The following CHM variants were observed in gnomAD, a reference collection of about 807,000 sequenced individuals.
CHM encodes rab proteins geranylgeranyltransferase component A 1.
Under a neutral mutation model 49.0 loss-of-function variants are expected in CHM, and 10 were observed. That is an observed-to-expected ratio of 0.20 (90% CI 0.13 to 0.35). The LOEUF is 0.35. CHM is among the 10% of genes least tolerant of loss of function. The probability of loss-of-function intolerance (pLI) is 1.00; values close to 1 mark genes in which losing one functional copy is unlikely to be tolerated. For synonymous variants in CHM, 184 were observed against 167.5 expected (o/e 1.10, Z -0.76); for missense variants, 455 against 478.4 (o/e 0.95, Z 0.46).
intron 8 of CHM, among the ~76,000 whole-genome samples, chrX:85,953,076 T>C (rs1236971453): frequency 8.9e-6 from 1 of 112,491 alleles, no homozygotes; most frequent in Non-Finnish European, 1.9e-5. Context: ...TTTAGTAAAG[T>C]TGCAGGGTAT....
intron 8 of CHM, among the ~76,000 whole-genome samples, chrX:85,954,292 ACGGAGAAAAGGGAAC>A (rs1002009967): frequency 1.8e-5 from 2 of 112,221 alleles, no homozygotes; most frequent in African/African-American, 3.2e-5. Context: ...TGGCAAAGAT[ACGGAGAAAAGGGAAC>A]CCTTGAACAC....
chrX:86,008,012 G>T (rs12353583), intron 2 of CHM, among the ~76,000 whole-genome samples: 19,030 of 111,388 alleles, frequency 0.17, 1,537 homozygotes, highest in Non-Finnish European at 0.25. Flanking sequence ...CCACCCAAAT[G>T]TCCAACAATG....
rs1923759147 is a variant in CHM, at chrX:85,867,251, TA to T, written c.1771-2431del. Among the ~76,000 whole-genome samples, 2 of 111,791 alleles carry T rather than the reference TA, an allele frequency of 1.8e-5. 1 individual carries two copies. Among genetic ancestry groups the T allele is most frequent in the Non-Finnish European group, 3.8e-5 (2 of 53,134 alleles). ...TGACTTCTCACAAGATCTGATGGTT[TA>T]AAAGTGTTTGGCAGTTCCCTCTTTG... is the stretch of plus-strand genomic sequence containing the variant. On this transcript the variant is annotated intron_variant, in intron 14 of 14. Transcript: ENST00000357749.
intron 8 of CHM, among the ~76,000 whole-genome samples, chrX:85,942,834 T>C (rs1004569637): frequency 9.2e-6 from 1 of 108,166 alleles, no homozygotes; most frequent in Non-Finnish European, 1.9e-5. Context: ...TATGTATACA[T>C]GTGCCATGTT....
chrX:86,006,685 A>G (rs1040754905), intron 2 of CHM, among the ~76,000 whole-genome samples: 1 of 111,752 alleles, frequency 8.9e-6, no homozygotes, highest in African/African-American at 3.3e-5. Context: ...TAAAATACCT[A>G]GGAATACAAC....
At chrX:85,962,705 T>C in intron 5 of CHM, among the ~76,000 whole-genome samples, 1 of 111,892 alleles carries the variant, frequency 8.9e-6, no homozygotes, top group East Asian at 2.8e-4. Context: ...ATTTAGTCTG[T>C]TTTTCTCTAC....
chrX:86,044,938 A>G (rs1934597236), intron 1 of CHM, among the ~76,000 whole-genome samples: 1 of 112,076 alleles, frequency 8.9e-6, no homozygotes, highest in Admixed American at 9.4e-5. Context: ...GAAAATACAA[A>G]GTTTATTTTT....
At chrX:85,935,273 C>T (rs1323889535) in intron 8 of CHM, among the ~76,000 whole-genome samples, 2 of 111,432 alleles carry the variant, frequency 1.8e-5, no homozygotes, top group African/African-American at 6.5e-5. Flanking sequence ...AGGATCGCAC[C>T]AAGCCATTCA....
At chrX:85,990,626 G>GA (rs1393713668) in intron 2 of CHM, among the ~76,000 whole-genome samples, 2 of 111,116 alleles carry the variant, frequency 1.8e-5, no homozygotes, top group East Asian at 2.8e-4. Context: ...GAAGATAATA[G>GA]AAAAAAATAG....
chrX:85,965,393 T>C (rs1360684008), intron 4 of CHM, among the ~76,000 whole-genome samples: 1 of 112,090 alleles, frequency 8.9e-6, no homozygotes, highest in East Asian at 2.8e-4. Flanking sequence ...TCCTTTTTAA[T>C]AGTCCTTTAG....
intron 8 of CHM, among the ~76,000 whole-genome samples, chrX:85,920,074 CT>C (rs1220966933): frequency 4.5e-5 from 5 of 110,381 alleles, no homozygotes; most frequent in African/African-American, 1.3e-4. Flanking sequence ...TAGTGGAAAT[CT>C]TTTTTGTTTT....
chrX:86,019,483 TCAA>T (rs1328544628), intron 2 of CHM: 1 of 110,179 alleles, frequency 9.1e-6, no homozygotes, highest in African/African-American at 3.3e-5. Flanking sequence ...ACTGAAGGAG[TCAA>T]CAAAGCTAAA....
intron 12 of CHM, among the ~76,000 whole-genome samples, chrX:85,882,075 C>T (rs1169620473): frequency 3.6e-5 from 4 of 110,807 alleles, no homozygotes; most frequent in Admixed American, 2.9e-4. Context: ...TCAATATTTA[C>T]GATGTTAGAA....
chrX:85,934,470 G>C (rs1231113397), intron 8 of CHM, among the ~76,000 whole-genome samples: 1 of 82,066 alleles, frequency 1.2e-5, no homozygotes, highest in Non-Finnish European at 2.2e-5. Flanking sequence ...TCCCCATCCT[G>C]TGTCCATCCT....
intron 2 of CHM, among the ~76,000 whole-genome samples, chrX:86,002,939 G>A (rs1296541116): frequency 2.7e-5 from 3 of 112,224 alleles, no homozygotes; most frequent in Non-Finnish European, 5.6e-5. Flanking sequence ...TCCTTAAGTG[G>A]GTCCCTGACC....
chrX:85,933,703 A>G (rs1603254888), intron 8 of CHM, among the ~76,000 whole-genome samples: 1 of 112,302 alleles, frequency 8.9e-6, no homozygotes. Context: ...GGGATCGAGA[A>G]GGAATATTTT....
intron 4 of CHM, among the ~76,000 whole-genome samples, chrX:85,977,771 C>T (rs1028863068): frequency 8.9e-6 from 1 of 112,035 alleles, no homozygotes; most frequent in African/African-American, 3.2e-5. Flanking sequence ...TAGCATTATA[C>T]AAATTATAAT....
chrX:85,951,836 A>T (rs1213433258), intron 8 of CHM, among the ~76,000 whole-genome samples: 1 of 112,776 alleles, frequency 8.9e-6, no homozygotes, highest in Non-Finnish European at 1.9e-5. Flanking sequence ...ACAGTCTTGA[A>T]TGGTCAATGC....
intron 13 of CHM, 74 bp downstream of exon 13, chrX:85,878,891 T>C: frequency 1.3e-6 from 1 of 776,098 alleles, no homozygotes; most frequent in African/African-American, 2.0e-5. Flanking sequence ...TTGCAGAAAC[T>C]TTCATGATAT....
Sources: gnomAD v4.1 joint callset for allele counts (sites outside exome capture counted in the v4.1 genomes callset) on GRCh38, gnomAD v4.1.1 for gene constraint, MANE v1.5 for transcripts, NCBI Gene and HGNC (gene_info 2026-07-23, HGNC 2026-07-21) for gene names.